The following PLXNA4 variants were observed in gnomAD, a reference collection of about 807,000 sequenced individuals.
PLXNA4 encodes plexin A4, also known as plexin-A4.
In PLXNA4, 44 loss-of-function variants were observed where a neutral mutation model predicts 191.8. The observed-to-expected ratio is 0.23, with a 90% CI of 0.18 to 0.29. The LOEUF is 0.29. Among genes scored for constraint, PLXNA4 ranks in the 10% least tolerant of loss-of-function variants. The pLI is 1.00. For missense variants in PLXNA4, 1,800 were observed against 2,488.8 expected (o/e 0.72, Z 5.89); for synonymous variants, 1,082 against 1,009.5 (o/e 1.07, Z -1.36).
At chr7:132,534,394 G>A (rs1323284282) in intron 1 of PLXNA4, among the ~76,000 whole-genome samples, 2 of 152,172 alleles carry the variant, frequency 1.3e-5, no homozygotes, top group East Asian at 1.9e-4. Context: ...ACTTCCAAGT[G>A]AGAGGAGCCA....
intron 3 of PLXNA4, among the ~76,000 whole-genome samples, chr7:132,329,288 A>C (rs1802496232): frequency 6.6e-6 from 1 of 152,094 alleles, no homozygotes; most frequent in South Asian, 2.1e-4. Flanking sequence ...CACTCACCCC[A>C]GGCTGTTCTG....
intron 1 of PLXNA4, among the ~76,000 whole-genome samples, chr7:132,557,685 A>ATGCT (rs976339402): frequency 6.6e-6 from 1 of 152,088 alleles, no homozygotes; most frequent in Admixed American, 6.5e-5. Flanking sequence ...ACCAAGCAAT[A>ATGCT]TGGTACGTCT....
At chr7:132,612,257 T>A (rs1803062363) in intron 2 of PLXNA4, among the ~76,000 whole-genome samples, 1 of 152,148 alleles carries the variant, frequency 6.6e-6, no homozygotes, top group Non-Finnish European at 1.5e-5. Flanking sequence ...ATGCATTGTG[T>A]GACCTCGAAA....
At chr7:132,449,300 G>T (rs1014009954) in intron 3 of PLXNA4, among the ~76,000 whole-genome samples, 1 of 152,154 alleles carries the variant, frequency 6.6e-6, no homozygotes, top group Non-Finnish European at 1.5e-5. Context: ...TAGTAAGCTG[G>T]TAACTTGGCC....
chr7:132,365,949 A>G (rs141245181), intron 3 of PLXNA4: 1 of 152,290 alleles, frequency 6.6e-6, no homozygotes, highest in African/African-American at 2.4e-5. Context: ...CTCCAGAGAA[A>G]CAGTAAGATG....
chr7:132,496,732 G>A (rs1222918814), intron 2 of PLXNA4, among the ~76,000 whole-genome samples: 1 of 152,112 alleles, frequency 6.6e-6, no homozygotes, highest in South Asian at 2.1e-4. Flanking sequence ...GTTTCCTCTG[G>A]GGTTGTTAGA....
intron 29 of PLXNA4, among the ~76,000 whole-genome samples, chr7:132,142,396 A>AG (rs1291267373): frequency 1.3e-5 from 2 of 152,158 alleles, no homozygotes; most frequent in Non-Finnish European, 2.9e-5. Flanking sequence ...AATATTCATT[A>AG]TGTGTTTGGC....
chr7:132,489,168 C>A, intron 3 of PLXNA4, 124 bp downstream of exon 3: 1 of 1,000,416 alleles, frequency 1.0e-6, no homozygotes, highest in South Asian at 1.8e-5. Context: ...CAGCGTATCT[C>A]CTTAGCTCAA....
At chr7:132,528,620 C>G (rs911339941) in intron 1 of PLXNA4, among the ~76,000 whole-genome samples, 1 of 152,180 alleles carries the variant, frequency 6.6e-6, no homozygotes, top group Non-Finnish European at 1.5e-5. Flanking sequence ...AATTTTTTTG[C>G]TCTTTAAAAG....
intron 3 of PLXNA4, among the ~76,000 whole-genome samples, chr7:132,378,118 T>C (rs1187545531): frequency 6.6e-6 from 1 of 152,194 alleles, no homozygotes; most frequent in Non-Finnish European, 1.5e-5. Context: ...TCCCCAATTA[T>C]CTTGTTTCTG....
intron 1 of PLXNA4, among the ~76,000 whole-genome samples, chr7:132,561,347 C>G (rs1290360620): frequency 1.4e-5 from 2 of 147,826 alleles, no homozygotes; most frequent in African/African-American, 5.0e-5. Flanking sequence ...TCCTCCTCCT[C>G]CTCTTCCTCT....
chr7:132,384,487 G>A (rs561409149), intron 3 of PLXNA4: 8 of 985,702 alleles, frequency 8.1e-6, no homozygotes, highest in Admixed American at 1.2e-4. Context: ...CACTGCTCAC[G>A]CTTTGTTGTA....
intron 3 of PLXNA4, among the ~76,000 whole-genome samples, chr7:132,319,172 C>T (rs1474277403): frequency 5.3e-5 from 8 of 152,296 alleles, no homozygotes; most frequent in Admixed American, 1.3e-4. Flanking sequence ...AACCTACTAA[C>T]GTTTCCTAAG....
intron 2 of PLXNA4, among the ~76,000 whole-genome samples, chr7:132,493,731 GTGGATGGGTGGATGGGTGGATGGA>G (rs1585218837): frequency 4.4e-5 from 6 of 136,292 alleles, no homozygotes; most frequent in East Asian, 2.2e-4. Flanking sequence ...GGGTGGATGG[GTGGATGGGTGGATGGGTGGATGGA>G]TGGATGGATG....
intron 4 of PLXNA4, among the ~76,000 whole-genome samples, chr7:132,274,645 T>C (rs760257343): frequency 1.3e-5 from 2 of 152,148 alleles, no homozygotes; most frequent in African/African-American, 2.4e-5. Flanking sequence ...GAGTACTAGT[T>C]GGTAATTTTG....
At chr7:132,313,561 G>A (rs1801829342) in intron 3 of PLXNA4, among the ~76,000 whole-genome samples, 1 of 152,180 alleles carries the variant, frequency 6.6e-6, no homozygotes, top group Non-Finnish European at 1.5e-5. Context: ...TGGGCCCAAG[G>A]AGCAAGTTGA....
intron 3 of PLXNA4, among the ~76,000 whole-genome samples, chr7:132,448,419 T>A (rs1190412897): frequency 6.6e-6 from 1 of 152,220 alleles, no homozygotes; most frequent in Non-Finnish European, 1.5e-5. Flanking sequence ...GAAATTGGCA[T>A]CTGCTATAAA....
intron 1 of PLXNA4, among the ~76,000 whole-genome samples, chr7:132,527,802 G>A (rs367561708): frequency 6.6e-6 from 1 of 152,062 alleles, no homozygotes; most frequent in Non-Finnish European, 1.5e-5. Context: ...CTCCACGCAC[G>A]TGCCCACCTG....
intron 3 of PLXNA4, among the ~76,000 whole-genome samples, chr7:132,354,821 T>A (rs1803634621): frequency 6.6e-6 from 1 of 152,238 alleles, no homozygotes; most frequent in African/African-American, 2.4e-5. Flanking sequence ...GGCAACTTGC[T>A]GACAGCCACA....
Sources: gnomAD v4.1 joint callset for allele counts (sites outside exome capture counted in the v4.1 genomes callset) on GRCh38, gnomAD v4.1.1 for gene constraint, MANE v1.5 for transcripts, NCBI Gene and HGNC (gene_info 2026-07-23, HGNC 2026-07-21) for gene names.